Variants in KIAA1217 observed in about 807,000 individuals in gnomAD.
KIAA1217 encodes sickle tail protein homolog.
KIAA1217 carries 88 observed loss-of-function variants against 163.9 expected under a neutral mutation model. The ratio of observed to expected loss-of-function variants is 0.54; its 90% CI spans 0.45 to 0.64. The LOEUF (loss-of-function observed/expected upper bound fraction) is 0.64. Among genes scored for constraint, KIAA1217 ranks in the 30% least tolerant of loss-of-function variants. The pLI is 0.00. For synonymous variants in KIAA1217, 903 were observed against 923.1 expected (o/e 0.98, Z 0.39); for missense variants, 2,372 against 2,475.0 (o/e 0.96, Z 0.88).
intron 1 of KIAA1217, among the ~76,000 whole-genome samples, chr10:23,924,767 G>A (rs1842960883): frequency 6.6e-6 from 1 of 152,070 alleles, no homozygotes; most frequent in Non-Finnish European, 1.5e-5. Flanking sequence ...TCAGTAACAG[G>A]CCTATATCCA....
chr10:23,992,401 C>A (rs566658580), intron 1 of KIAA1217, among the ~76,000 whole-genome samples: 3 of 143,902 alleles, frequency 2.1e-5, no homozygotes, highest in Non-Finnish European at 2.9e-5. Context: ...CCTTGCCTAC[C>A]CCATTGCCAT....
intron 2 of KIAA1217, among the ~76,000 whole-genome samples, chr10:24,192,385 A>G (rs1040640825): frequency 6.6e-6 from 1 of 152,142 alleles, no homozygotes; most frequent in Non-Finnish European, 1.5e-5. Context: ...AGGGGAAAGG[A>G]TAAGGGGAAG....
chr10:24,009,556 G>T (rs1847153243), intron 2 of KIAA1217, among the ~76,000 whole-genome samples: 1 of 152,186 alleles, frequency 6.6e-6, no homozygotes, highest in South Asian at 2.1e-4. Flanking sequence ...TTTGATGTCT[G>T]CTGCATGTCA....
chr10:24,083,960 A>G (rs2061613530), intron 2 of KIAA1217, among the ~76,000 whole-genome samples: 1 of 152,138 alleles, frequency 6.6e-6, no homozygotes, highest in African/African-American at 2.4e-5. Context: ...TCTAATGAGG[A>G]GCTAGGCTTC....
At chr10:24,258,199 A>G (rs2075363152) in intron 2 of KIAA1217, among the ~76,000 whole-genome samples, 2 of 151,946 alleles carry the variant, frequency 1.3e-5, no homozygotes, top group African/African-American at 4.8e-5. Context: ...AACTCTGATG[A>G]GGACTATATT....
At chr10:23,886,439 C>A (rs1426071880) in intron 1 of KIAA1217, among the ~76,000 whole-genome samples, 1 of 151,952 alleles carries the variant, frequency 6.6e-6, no homozygotes, top group Non-Finnish European at 1.5e-5. Context: ...GTTAAGCATG[C>A]TTAGGAAAAG....
At chr10:24,182,397 G>A (rs932769410) in intron 2 of KIAA1217, among the ~76,000 whole-genome samples, 7 of 149,172 alleles carry the variant, frequency 4.7e-5, no homozygotes, top group Non-Finnish European at 1.0e-4. Context: ...AGCCAAGATC[G>A]CACCACTGCA....
intron 2 of KIAA1217, among the ~76,000 whole-genome samples, chr10:24,294,832 C>T (rs575325939): frequency 6.6e-5 from 10 of 152,308 alleles, no homozygotes; most frequent in East Asian, 1.9e-4. Context: ...AAGTGCAATT[C>T]GGTCACTGTC....
At chr10:24,244,646 C>A (rs1334771789) in intron 2 of KIAA1217, among the ~76,000 whole-genome samples, 2 of 150,534 alleles carry the variant, frequency 1.3e-5, no homozygotes, top group Admixed American at 1.3e-4. Flanking sequence ...CTTATTGCAA[C>A]CTCCGCCTCC....
At chr10:24,417,320 C>A (rs547524908) in intron 3 of KIAA1217, among the ~76,000 whole-genome samples, 1 of 152,154 alleles carries the variant, frequency 6.6e-6, no homozygotes, top group Admixed American at 6.5e-5. Flanking sequence ...AACTTTGTTG[C>A]CTTCTTCAGT....
chr10:24,066,640 G>C (rs552590123), intron 2 of KIAA1217, among the ~76,000 whole-genome samples: 1 of 152,100 alleles, frequency 6.6e-6, no homozygotes, highest in Non-Finnish European at 1.5e-5. Flanking sequence ...CTCTTCTCGA[G>C]GAGTATCTTT....
intron 2 of KIAA1217, among the ~76,000 whole-genome samples, chr10:24,104,492 A>G (rs181975508): frequency 2.0e-5 from 3 of 152,320 alleles, no homozygotes; most frequent in Admixed American, 2.0e-4. Context: ...AAAAAAGATC[A>G]GTGGTTGTCA....
intron 1 of KIAA1217, among the ~76,000 whole-genome samples, chr10:23,748,734 C>A (rs1322526388): frequency 1.3e-5 from 2 of 152,054 alleles, no homozygotes; most frequent in Non-Finnish European, 2.9e-5. Context: ...TTTCTTCTTC[C>A]TCTTATCCAC....
intron 3 of KIAA1217, among the ~76,000 whole-genome samples, chr10:24,418,441 A>G (rs563493828): frequency 1.3e-5 from 2 of 152,342 alleles, no homozygotes; most frequent in East Asian, 3.9e-4. Context: ...AATAGTAGAA[A>G]ATAAATCTTG....
In KIAA1217 at chr10:24,513,354, C is replaced by A; in HGVS notation, c.2097C>A (p.Pro699=). Residue 699 remains proline, a synonymous_variant, in exon 10 of 21, where the codon CCC becomes CCA. Coordinates refer to ENST00000376454, the MANE Select transcript of KIAA1217 (RefSeq NM_019590.5). ...AAACAATGAAGAGACTGGAGGATCC[C>A]GTGCAGCGACAGCGCGTCCTAGTGG... ...VMETMKRLED[P]VQRQRVLVEQ... The A allele has an allele frequency of 3.1e-6, 5 of 1,614,132 alleles. No individual in the cohort carries two copies. The highest frequency in any genetic ancestry group is 4.2e-6 in the Non-Finnish European group (5 of 1,180,016).
At chr10:23,821,071 C>A (rs917860798) in intron 1 of KIAA1217, among the ~76,000 whole-genome samples, 3 of 151,002 alleles carry the variant, frequency 2.0e-5, no homozygotes, top group Non-Finnish European at 2.9e-5. Context: ...AAAGTATCTT[C>A]ATGGGCTTAA....
intron 1 of KIAA1217, among the ~76,000 whole-genome samples, chr10:23,840,419 T>A (rs1755140437): frequency 6.6e-6 from 1 of 152,122 alleles, no homozygotes. Flanking sequence ...CCTCCTAAAG[T>A]GTTGGGATTA....
At chr10:24,250,686 C>T (rs1297470048) in intron 2 of KIAA1217, among the ~76,000 whole-genome samples, 1 of 56,142 alleles carries the variant, frequency 1.8e-5, no homozygotes, top group Non-Finnish European at 3.3e-5. Context: ...AAGTGATCTG[C>T]CCACCCCCCG....
intron 1 of KIAA1217, among the ~76,000 whole-genome samples, chr10:23,706,059 C>A (rs937015058): frequency 1.2e-4 from 18 of 151,860 alleles, no homozygotes; most frequent in African/African-American, 4.4e-4. Flanking sequence ...TTGAATTGTT[C>A]ATTGCTAGTA....
Sources: gnomAD v4.1 joint callset for allele counts (sites outside exome capture counted in the v4.1 genomes callset) on GRCh38, gnomAD v4.1.1 for gene constraint, MANE v1.5 for transcripts, NCBI Gene and HGNC (gene_info 2026-07-23, HGNC 2026-07-21) for gene names.